The following SAMD5 variants were observed in gnomAD, a reference collection of about 807,000 sequenced individuals.
SAMD5 encodes sterile alpha motif domain-containing protein 5.
Under a neutral mutation model 11.3 loss-of-function variants are expected in SAMD5, and 13 were observed. That is an observed-to-expected ratio of 1.15 (90% CI 0.75 to 1.83). The LOEUF is 1.83. Among genes scored for constraint, SAMD5 ranks in the 40% most tolerant of loss-of-function variants. The pLI, the probability that SAMD5 is intolerant of heterozygous loss-of-function variation, is 0.00. For synonymous variants in SAMD5, 129 were observed against 111.3 expected, an observed-to-expected ratio of 1.16 and a Z score of -1.00; for missense variants, 255 against 239.1, an observed-to-expected ratio of 1.07 and a Z score of -0.44.
chr6:147,650,476 A>G (rs1053414334), intron 1 of SAMD5, among the ~76,000 whole-genome samples: 10 of 152,370 alleles, frequency 6.6e-5, no homozygotes, highest in Admixed American at 4.6e-4. Context: ...GAAGAGGAGT[A>G]GCTGAAGACG....
chr6:147,832,129 T>A, the SAMD5 span, among the ~76,000 whole-genome samples: 1 of 152,078 alleles, frequency 6.6e-6, no homozygotes, highest in African/African-American at 2.4e-5. Context: ...ATACATAGGA[T>A]GAAAGCAATC....
the SAMD5 span, among the ~76,000 whole-genome samples, chr6:147,896,738 CAAAAA>C: frequency 1.8e-5 from 1 of 55,322 alleles, no homozygotes; most frequent in Non-Finnish European, 3.4e-5. Flanking sequence ...GAACATTAAC[CAAAAA>C]AAAAAAAAAA....
chr6:147,559,664 T>C (rs1388561060), intron 1 of SAMD5, among the ~76,000 whole-genome samples: 1 of 152,124 alleles, frequency 6.6e-6, no homozygotes, highest in Non-Finnish European at 1.5e-5. Flanking sequence ...GAGTTTATAA[T>C]TAGGATGACA....
At chr6:147,661,486 C>T (rs570789644) in intron 1 of SAMD5, among the ~76,000 whole-genome samples, 11 of 152,202 alleles carry the variant, frequency 7.2e-5, no homozygotes, top group African/African-American at 1.7e-4. Context: ...AAATTGCCAG[C>T]CCCCAAATTA....
intron 1 of SAMD5, among the ~76,000 whole-genome samples, chr6:147,643,201 G>C (rs1425757291): frequency 6.6e-6 from 1 of 152,066 alleles, no homozygotes; most frequent in South Asian, 2.1e-4. Flanking sequence ...GTATATTAAT[G>C]CTTCTTTTGT....
At position 147,734,670 on chromosome 6, in the gene SAMD5, G is replaced by A. The variant is rs1322413619; in HGVS notation, c.163-2647G>A. ...GGAGCTTGCAGTCAGCCGAGATCGTGCCACTGCACTCCAGCCTGGGCGGCA... is the reference window on the plus strand; with the variant it reads ...GGAGCTTGCAGTCAGCCGAGATCGTACCACTGCACTCCAGCCTGGGCGGCA... On this transcript the variant is annotated intron_variant, in intron 1 of 1. Transcript: ENST00000566741. 1.4e-4 allele frequency among the ~76,000 whole-genome samples: 18 copies of A among 124,826 alleles called. No individual in the cohort carries two copies. The South Asian group carries it at 3.1e-3, about 21-fold the overall frequency. The allele number at this position is 124,826 out of a possible 152,430, so 81.9% of individuals were successfully genotyped here. A position where few individuals can be genotyped will look rare whatever the true frequency, so the allele number is the denominator to read the frequency against.
At chr6:147,850,589 T>G in the SAMD5 span, among the ~76,000 whole-genome samples, 1 of 152,196 alleles carries the variant, frequency 6.6e-6, no homozygotes, top group Non-Finnish European at 1.5e-5. Context: ...TTGTTTTGAT[T>G]TTAATTACAA....
the SAMD5 span, among the ~76,000 whole-genome samples, chr6:147,906,928 A>G: frequency 6.6e-6 from 1 of 152,014 alleles, no homozygotes; most frequent in Non-Finnish European, 1.5e-5. Context: ...TTGTCCTGAC[A>G]AATAGTTTTT....
At chr6:147,573,317 T>A (rs1241176142), downstream of SAMD5, among the ~76,000 whole-genome samples, 1 of 152,094 alleles carries the variant, frequency 6.6e-6, no homozygotes, top group Non-Finnish European at 1.5e-5. Flanking sequence ...AAAATTACAA[T>A]CATGGTGGAA....
At chr6:147,648,950 A>G (rs1482384624) in intron 1 of SAMD5, among the ~76,000 whole-genome samples, 1 of 152,242 alleles carries the variant, frequency 6.6e-6, no homozygotes, top group South Asian at 2.1e-4. Context: ...AGCCATTTGA[A>G]CTGATAAAAG....
intron 1 of SAMD5, among the ~76,000 whole-genome samples, chr6:147,725,944 A>C (rs561419086): frequency 6.6e-6 from 1 of 152,336 alleles, no homozygotes; most frequent in African/African-American, 2.4e-5. Context: ...ACTAAGCTTT[A>C]AACTGGATAG....
intron 1 of SAMD5, among the ~76,000 whole-genome samples, chr6:147,515,300 C>T (rs1437299275): frequency 2.8e-5 from 4 of 144,122 alleles, no homozygotes; most frequent in African/African-American, 1.0e-4. Flanking sequence ...CCTTTGTGTA[C>T]TCCTCACAGT....
the SAMD5 span, among the ~76,000 whole-genome samples, chr6:147,859,964 G>C: frequency 1.3e-5 from 2 of 152,104 alleles, no homozygotes; most frequent in African/African-American, 2.4e-5. Context: ...TATCAAACTT[G>C]TTTTAAAATA....
chr6:147,768,799 A>G, the SAMD5 span, among the ~76,000 whole-genome samples: 1,067 of 151,982 alleles, frequency 7.0e-3, 17 homozygotes, highest in African/African-American at 0.024. Context: ...TAAAATTTAT[A>G]TATTTATTTT....
At chr6:147,933,222 G>A in the SAMD5 span, among the ~76,000 whole-genome samples, 720 of 152,296 alleles carry the variant, frequency 4.7e-3, 21 homozygotes, top group Admixed American at 0.044. Flanking sequence ...AAGACTCTGA[G>A]CATAAAGTCA....
chr6:147,714,062 A>G (rs1791433719), intron 1 of SAMD5, among the ~76,000 whole-genome samples: 1 of 152,246 alleles, frequency 6.6e-6, no homozygotes, highest in Admixed American at 6.5e-5. Context: ...CATAAAGTTT[A>G]TATTAAATGG....
At chr6:147,658,941 G>C (rs1440440833) in intron 1 of SAMD5, among the ~76,000 whole-genome samples, 1 of 152,186 alleles carries the variant, frequency 6.6e-6, no homozygotes, top group South Asian at 2.1e-4. Context: ...AATTTACTCA[G>C]TTAATGAGTG....
intron 1 of SAMD5, among the ~76,000 whole-genome samples, chr6:147,638,645 A>G (rs1199640077): frequency 6.6e-6 from 1 of 152,204 alleles, no homozygotes; most frequent in African/African-American, 2.4e-5. Context: ...GTGCGTGGCC[A>G]GTGGGTTGGC....
At chr6:147,770,030 A>G in the SAMD5 span, among the ~76,000 whole-genome samples, 1 of 152,192 alleles carries the variant, frequency 6.6e-6, no homozygotes, top group African/African-American at 2.4e-5. Context: ...GGAATAGGCT[A>G]ACTGCTTACT....
Sources: gnomAD v4.1 joint callset for allele counts (sites outside exome capture counted in the v4.1 genomes callset) on GRCh38, gnomAD v4.1.1 for gene constraint, MANE v1.5 for transcripts, NCBI Gene and HGNC (gene_info 2026-07-23, HGNC 2026-07-21) for gene names.